The following USF3 variants were observed in gnomAD, a reference collection of about 807,000 sequenced individuals.
The protein encoded by USF3 is basic helix-loop-helix domain-containing protein USF3.
A neutral mutation model predicts 157.5 loss-of-function variants in USF3; 29 were observed. The ratio of observed to expected loss-of-function variants is 0.18; its 90% CI spans 0.14 to 0.25. The LOEUF is 0.25. Ranked by LOEUF, USF3 falls within the 10% of genes least tolerant of loss-of-function variation. USF3 has a pLI of 1.00. For synonymous variants in USF3, 893 were observed against 941.4 expected, an observed-to-expected ratio of 0.95 and a Z score of 0.94; for missense variants, 2,381 against 2,667.6, an observed-to-expected ratio of 0.89 and a Z score of 2.37.
chr3:113,691,910 C>T (rs568370817), intron 1 of USF3, among the ~76,000 whole-genome samples: 9 of 152,292 alleles, frequency 5.9e-5, no homozygotes, highest in Admixed American at 5.9e-4. Context: ...TTAAAGATTT[C>T]TCTGACCCCT....
chr3:113,691,728 T>C (rs931879502), intron 1 of USF3, among the ~76,000 whole-genome samples: 1 of 152,232 alleles, frequency 6.6e-6, no homozygotes, highest in Non-Finnish European at 1.5e-5. Context: ...GTTTATCCAG[T>C]ATCCATTTGC....
At chr3:113,668,896 A>G (rs748642111) in intron 5 of USF3, among the ~76,000 whole-genome samples, 3 of 152,180 alleles carry the variant, frequency 2.0e-5, no homozygotes, top group Non-Finnish European at 4.4e-5. Flanking sequence ...GAAAAAGGAG[A>G]ACAGAGTGTT....
At chr3:113,694,032 C>T (rs1231074979) in intron 1 of USF3, among the ~76,000 whole-genome samples, 1 of 152,194 alleles carries the variant, frequency 6.6e-6, no homozygotes, top group Non-Finnish European at 1.5e-5. Context: ...AAAAAATATG[C>T]CCATGGCAGA....
intron 1 of USF3, among the ~76,000 whole-genome samples, chr3:113,681,714 T>A (rs1559722206): frequency 6.7e-6 from 1 of 149,854 alleles, no homozygotes; most frequent in African/African-American, 2.5e-5. Context: ...TATTTCAATT[T>A]AAAAAAAAAA....
chr3:113,663,762 A>T (rs1947522483), intron 6 of USF3, among the ~76,000 whole-genome samples: 1 of 152,338 alleles, frequency 6.6e-6, no homozygotes, highest in African/African-American at 2.4e-5. Context: ...TTTCTCTCCA[A>T]TGCTAATGGA....
chr3:113,660,571 C>G lies in USF3; in HGVS notation c.1111G>C (p.Val371Leu). 1 of 1,614,216 alleles carries G rather than the reference C, an allele frequency of 6.2e-7. No homozygotes were observed. Among genetic ancestry groups the G allele is most frequent in the Non-Finnish European group, 8.5e-7 (1 of 1,180,038 alleles). ...ACTCCAGGGGCAGATGATGCCACCA[C>G]TGTAGCTGTACTTGTCAAGTCTGCA... is the stretch of plus-strand genomic sequence containing the variant. Reference protein sequence around the residue: ...KSADLTSTATVVASSAPGVGK... With the variant: ...KSADLTSTATLVASSAPGVGK... Residue 371 changes from valine (V) to leucine (L), a missense_variant, in exon 7 of 7, where the codon GTG becomes CTG. Transcript: ENST00000316407.
intron 5 of USF3, among the ~76,000 whole-genome samples, chr3:113,665,948 G>A (rs1270827389): frequency 2.6e-5 from 4 of 152,196 alleles, no homozygotes; most frequent in Non-Finnish European, 5.9e-5. Flanking sequence ...ACTTTGGGAA[G>A]CCGAGGTGGG....
rs760008133 is a variant in USF3 at position 113,659,187 on chromosome 3, G to A, written c.2495C>T (p.Ala832Val). 3 of 1,614,198 alleles carry A rather than the reference G, an allele frequency of 1.9e-6. No individual in the cohort carries two copies. Among genetic ancestry groups the A allele is most frequent in the African/African-American group, 1.3e-5 (1 of 75,056 alleles). The change falls in exon 7 of 7, where the codon GCA becomes GTA. Residue 832 changes from alanine (A) to valine (V), a missense_variant. Coordinates refer to ENST00000316407, the MANE Select transcript of USF3 (RefSeq NM_001009899.4). ...CAGTCCATCATTACAGGGTGGCTCT[G>A]CTGAGCCTTCAGTGTTGGGGCAGTC... ...KLDCPNTEGS[A>V]EPPCNDGLLE...
chr3:113,655,430 A>G lies in USF3; in HGVS notation c.6252T>C (p.Ile2084=). The stretch of plus-strand genomic sequence containing the variant: ...TGGCACTAGGCTGAGTAACCTGTGG[A>G]ATGAAAGAAGCATTAGCATTTATTG... ...NPPINANASF[I]PQVTQPSATR... The change falls in exon 7 of 7, where the codon ATT becomes ATC. Residue 2084 remains isoleucine, a synonymous_variant. Coordinates refer to ENST00000316407, the MANE Select transcript of USF3 (RefSeq NM_001009899.4). The G allele has an allele frequency of 6.2e-7, 1 of 1,614,166 alleles. No individual in the cohort carries two copies. The highest frequency in any genetic ancestry group is 8.5e-7 in the Non-Finnish European group (1 of 1,180,032).
At chr3:113,671,312 A>G (rs1209114227) in intron 4 of USF3, among the ~76,000 whole-genome samples, 1 of 152,200 alleles carries the variant, frequency 6.6e-6, no homozygotes, top group Non-Finnish European at 1.5e-5. Flanking sequence ...CCTTTTTGGA[A>G]TAGAAACAGC....
Position 113,649,922 on chromosome 3 carries a change from G to A in USF3, c.*5022C>T. The A allele has an allele frequency of 2.9e-6, 2 of 692,362 alleles. No homozygotes were observed. The highest frequency in any genetic ancestry group is 3.1e-5 in the South Asian group (2 of 64,994). 42.9% of individuals were successfully genotyped at this position (692,362 alleles called of 1,614,324 possible). A position where few individuals can be genotyped will look rare whatever the true frequency, so the allele number is the denominator to read the frequency against. ...AAAGGCCCTTTTCTTTCAAACCCTG[G>A]GGAAAGAAAAATGGTAATGTTCAGC... On this transcript the variant is annotated 3_prime_UTR_variant, in exon 7 of 7. Coordinates refer to ENST00000316407, the MANE Select transcript of USF3 (RefSeq NM_001009899.4).
chr3:113,649,742 G>A lies in USF3; in HGVS notation c.*5202C>T, dbSNP rs1444173423. 3 of 693,400 alleles carry A rather than the reference G, an allele frequency of 4.3e-6. No individual in the cohort carries two copies. Among genetic ancestry groups the A allele is most frequent in the Non-Finnish European group, 7.9e-6 (3 of 381,554 alleles). 43.0% of individuals were successfully genotyped at this position (693,400 alleles called of 1,614,324 possible). On this transcript the variant is annotated 3_prime_UTR_variant, in exon 7 of 7. Coordinates refer to ENST00000316407, the MANE Select transcript of USF3 (RefSeq NM_001009899.4). ...TGCAGGAACAGGGTAGAGGCTACAGGTGGAAAGATCTAGAAGCTCTGTGTC... is the reference window on the plus strand; with the variant it reads ...TGCAGGAACAGGGTAGAGGCTACAGATGGAAAGATCTAGAAGCTCTGTGTC...
chr3:113,686,599 T>A (rs1183749483), intron 1 of USF3, among the ~76,000 whole-genome samples: 1 of 152,206 alleles, frequency 6.6e-6, no homozygotes, highest in East Asian at 1.9e-4. Context: ...ACCTGATATT[T>A]GGTTCTTATG....
chr3:113,685,636 T>C (rs545921192), intron 1 of USF3, among the ~76,000 whole-genome samples: 3 of 152,038 alleles, frequency 2.0e-5, no homozygotes, highest in East Asian at 3.9e-4. Context: ...CAGATGAGAA[T>C]TGTGCTGGGT....
At position 113,649,882 on chromosome 3, in the gene USF3, A is replaced by T. The variant is rs1345659662; in HGVS notation, c.*5062T>A. 1 of 702,180 alleles carries T rather than the reference A, an allele frequency of 1.4e-6. No homozygotes were observed. The highest frequency in any genetic ancestry group is 2.6e-6 in the Non-Finnish European group (1 of 384,698). 43.5% of individuals were successfully genotyped at this position (702,180 alleles called of 1,614,324 possible). ...ATGAAGAATAGAATGCAGACAGAAT[A>T]TAGTTAAATCCAAAAAAGGCCCTTT... On this transcript the variant is annotated 3_prime_UTR_variant, in exon 7 of 7. Coordinates refer to ENST00000316407, the MANE Select transcript of USF3 (RefSeq NM_001009899.4).
In USF3 at chr3:113,654,920, CCTTTA is replaced by C; in HGVS notation, c.*19_*23del. The C allele has an allele frequency of 6.3e-7, 1 of 1,589,060 alleles. No individual in the cohort carries two copies. Among genetic ancestry groups the C allele is most frequent in the African/African-American group, 1.3e-5 (1 of 74,320 alleles). On this transcript the variant is annotated 3_prime_UTR_variant, in exon 7 of 7. Coordinates refer to ENST00000316407, the MANE Select transcript of USF3 (RefSeq NM_001009899.4). Reference sequence around the variant, plus strand: ...AATACATTTGTAATCTCACTCATTACCTTTACATTTTGTTTATCAGTATTTAAACA... The same window carrying C: ...AATACATTTGTAATCTCACTCATTACCATTTTGTTTATCAGTATTTAAACA...
At chr3:113,696,322 C>T (rs1031821045) in intron 1 of USF3, 48 bp downstream of exon 1, 4 of 151,836 alleles carry the variant, frequency 2.6e-5, no homozygotes, top group African/African-American at 4.8e-5. Flanking sequence ...AGCCCTGGCC[C>T]CCGCCCCCCG....
Position 113,659,469 on chromosome 3 carries a change from T to C in USF3, c.2213A>G (p.Gln738Arg). 1 of 1,614,226 alleles carries C rather than the reference T, an allele frequency of 6.2e-7. No individual in the cohort carries two copies. The highest frequency in any genetic ancestry group is 8.5e-7 in the Non-Finnish European group (1 of 1,180,024). ...AGTGGTTTGACTATTTGCAGCAGTT[T>C]GAGAATTGGCAGGCTGGCTAATAGA... ...QLSISQPANS[Q>R]TAANSQTTTA... The change falls in exon 7 of 7, where the codon CAA (glutamine) becomes CGA (arginine). Residue 738 changes from glutamine to arginine, a missense_variant. Transcript: ENST00000316407.
At chr3:113,694,445 A>G (rs1281174805) in intron 1 of USF3, among the ~76,000 whole-genome samples, 2 of 152,230 alleles carry the variant, frequency 1.3e-5, no homozygotes, top group African/African-American at 4.8e-5. Flanking sequence ...AACCTAGAAG[A>G]TAAGTACTTC....
Sources: allele counts gnomAD v4.1 joint callset (sites outside exome capture counted in the v4.1 genomes callset), GRCh38; gene constraint gnomAD v4.1.1; transcripts MANE v1.5; gene names NCBI Gene and HGNC (gene_info 2026-07-23, HGNC 2026-07-21).